The following FANCL variants were observed in gnomAD, a reference collection of about 807,000 sequenced individuals.
The protein encoded by FANCL is E3 ubiquitin-protein ligase FANCL.
A neutral mutation model predicts 59.4 loss-of-function variants in FANCL; 69 were observed. The ratio of observed to expected loss-of-function variants is 1.16; its 90% CI spans 0.96 to 1.42. FANCL has a LOEUF of 1.42. Among genes scored for constraint, FANCL ranks in the 40% most tolerant of loss-of-function variants. The probability of loss-of-function intolerance (pLI) is 0.00; values close to 1 mark genes in which losing one functional copy is unlikely to be tolerated. For synonymous variants in FANCL, 180 were observed against 147.1 expected, an observed-to-expected ratio of 1.22 and a Z score of -1.62; for missense variants, 519 against 447.2, an observed-to-expected ratio of 1.16 and a Z score of -1.45.
chr2:58,165,585 CAAA>C, intron 8 of FANCL, 136 bp downstream of exon 8: 2 of 990,076 alleles, frequency 2.0e-6, no homozygotes, highest in Non-Finnish European at 3.0e-6. Context: ...AATGTGTAGC[CAAA>C]AAAAAGTTTA....
At chr2:58,232,239 A>T (rs917427905) in intron 1 of FANCL, 127 bp from the exon 2 acceptor site, 2 of 758,460 alleles carry the variant, frequency 2.6e-6, no homozygotes, top group Non-Finnish European at 4.6e-6. Context: ...TTTTATCCAC[A>T]TCTTTATACT....
At chr2:58,188,228 A>G (rs1238198194) in intron 7 of FANCL, among the ~76,000 whole-genome samples, 1 of 152,132 alleles carries the variant, frequency 6.6e-6, no homozygotes, top group African/African-American at 2.4e-5. Flanking sequence ...ATGTATGGGT[A>G]TATTTCTGAA....
Position 58,234,267 on chromosome 2 carries a change from TA to T in FANCL, c.97-2156del, listed in dbSNP as rs1436244943. Among the ~76,000 whole-genome samples, 3 of 151,936 alleles carry T rather than the reference TA, an allele frequency of 2.0e-5. No homozygotes were observed. In the East Asian group the frequency reaches 5.8e-4, roughly 29 times the overall value. ...CATTTGTATCCAGATTCAGACATTT[TA>T]AAACTAAAATGAGAAATTGTATTTT... is the stretch of plus-strand genomic sequence containing the variant. On this transcript the variant is annotated intron_variant, in intron 1 of 13. Transcript: ENST00000233741.
At chr2:58,214,788 C>T (rs1481651631) in intron 5 of FANCL, among the ~76,000 whole-genome samples, 1 of 152,116 alleles carries the variant, frequency 6.6e-6, no homozygotes, top group Non-Finnish European at 1.5e-5. Flanking sequence ...ACTGGGATTA[C>T]AGGTGTGAGC....
At chr2:58,191,265 A>T (rs1688892908) in intron 7 of FANCL, among the ~76,000 whole-genome samples, 1 of 152,026 alleles carries the variant, frequency 6.6e-6, no homozygotes, top group South Asian at 2.1e-4. Flanking sequence ...TGAAAAAAAT[A>T]ATTTTTATCC....
chr2:58,191,918 T>C (rs1267700900), intron 7 of FANCL, among the ~76,000 whole-genome samples: 1 of 151,928 alleles, frequency 6.6e-6, no homozygotes, highest in Non-Finnish European at 1.5e-5. Context: ...CAGATATTCT[T>C]TCTCTCTTTT....
intron 1 of FANCL, among the ~76,000 whole-genome samples, chr2:58,234,981 A>G (rs181852038): frequency 6.6e-6 from 1 of 152,168 alleles, no homozygotes; most frequent in East Asian, 1.9e-4. Context: ...GAAATAAGGG[A>G]AACAAATGTG....
At chr2:58,234,036 G>T (rs1293806199) in intron 1 of FANCL, among the ~76,000 whole-genome samples, 1 of 152,004 alleles carries the variant, frequency 6.6e-6, no homozygotes, top group Non-Finnish European at 1.5e-5. Context: ...CCCAACAGAA[G>T]AGGGTATTCT....
At chr2:58,196,402 C>G (rs941636632) in intron 7 of FANCL, among the ~76,000 whole-genome samples, 2 of 152,060 alleles carry the variant, frequency 1.3e-5, no homozygotes, top group Non-Finnish European at 2.9e-5. Context: ...TTTAATTTAT[C>G]TGTATTTTGC....
intron 12 of FANCL, 121 bp from the exon 13 acceptor site, chr2:58,160,300 T>C: frequency 2.8e-6 from 3 of 1,056,264 alleles, no homozygotes; most frequent in Non-Finnish European, 4.4e-6. Flanking sequence ...TTAGCTTAAT[T>C]TTGTTTTGCA....
intron 5 of FANCL, among the ~76,000 whole-genome samples, chr2:58,214,402 A>C (rs1691497411): frequency 6.6e-6 from 1 of 152,188 alleles, no homozygotes; most frequent in Non-Finnish European, 1.5e-5. Flanking sequence ...ACTCTCAAGA[A>C]TCCTATAATT....
chr2:58,213,993 C>T (rs1691451727), intron 5 of FANCL, among the ~76,000 whole-genome samples: 1 of 152,156 alleles, frequency 6.6e-6, no homozygotes. Context: ...CACAGAATGC[C>T]TGAGTGGTGT....
chr2:58,194,868 C>A (rs1422272020), intron 7 of FANCL, among the ~76,000 whole-genome samples: 1 of 150,850 alleles, frequency 6.6e-6, no homozygotes, highest in East Asian at 1.9e-4. Context: ...AGACAGGGAC[C>A]ATAAGGAAAA....
chr2:58,159,473 T>C lies in FANCL; in HGVS notation c.*292A>G. On this transcript the variant is annotated 3_prime_UTR_variant, in exon 14 of 14. Transcript: ENST00000233741. ...TCATTTTATGAGCCTCATCAAGATT[T>C]TACCAGTCCAGATATATTCAAGAAG... 6.2e-7 allele frequency: 1 copy of C among 1,613,776 alleles called. No homozygotes were observed. The highest frequency in any genetic ancestry group is 1.1e-5 in the South Asian group (1 of 91,062).
intron 5 of FANCL, among the ~76,000 whole-genome samples, chr2:58,213,236 T>C (rs891908142): frequency 1.3e-5 from 2 of 152,222 alleles, no homozygotes; most frequent in African/African-American, 2.4e-5. Context: ...TTTCAAAAGA[T>C]AATTTAAATT....
At chr2:58,182,810 T>C (rs1277781887) in intron 7 of FANCL, among the ~76,000 whole-genome samples, 1 of 151,696 alleles carries the variant, frequency 6.6e-6, no homozygotes, top group African/African-American at 2.4e-5. Flanking sequence ...CAATACTAGA[T>C]ACTGGTGATA....
intron 7 of FANCL, among the ~76,000 whole-genome samples, chr2:58,181,631 G>C (rs1687948341): frequency 6.6e-6 from 1 of 151,910 alleles, no homozygotes; most frequent in South Asian, 2.1e-4. Flanking sequence ...ATTTATGGGT[G>C]GAAGAAAGGA....
chr2:58,212,350 T>C (rs1691257436), intron 5 of FANCL, among the ~76,000 whole-genome samples: 1 of 152,162 alleles, frequency 6.6e-6, no homozygotes. Context: ...TAAATTATCT[T>C]CCACCGGGTC....
intron 3 of FANCL, among the ~76,000 whole-genome samples, chr2:58,227,794 T>A (rs1369266020): frequency 6.6e-6 from 1 of 152,166 alleles, no homozygotes; most frequent in Non-Finnish European, 1.5e-5. Context: ...GGTGGAGCCC[T>A]CACCAGGGAC....
Sources: gnomAD v4.1 joint callset for allele counts (sites outside exome capture counted in the v4.1 genomes callset) on GRCh38, gnomAD v4.1.1 for gene constraint, MANE v1.5 for transcripts, NCBI Gene and HGNC (gene_info 2026-07-23, HGNC 2026-07-21) for gene names.